GAK: variants seen among roughly 807,000 people sequenced by gnomAD.
GAK encodes cyclin G associated kinase.
In GAK, 79 loss-of-function variants were observed where a neutral mutation model predicts 143.9. That is an observed-to-expected ratio of 0.55 (90% CI 0.46 to 0.66). The LOEUF (loss-of-function observed/expected upper bound fraction) is 0.66. Among genes scored for constraint, GAK ranks in the 30% least tolerant of loss-of-function variants. GAK has a pLI of 0.00. For missense variants in GAK, 1,693 were observed against 1,779.7 expected (o/e 0.95, Z 0.88); for synonymous variants, 881 against 765.5 (o/e 1.15, Z -2.49).
chr4:867,580 G>A (rs1193438093), intron 20 of GAK, 148 bp from the exon 21 acceptor site: 14 of 515,368 alleles, frequency 2.7e-5, no homozygotes, highest in East Asian at 2.6e-4. Context: ...CGTCCCTTCA[G>A]GGCCTCCTCG....
intron 24 of GAK, chr4:859,404 C>T (rs1749871660): frequency 6.6e-7 from 1 of 1,523,144 alleles, no homozygotes; most frequent in African/African-American, 1.4e-5. Flanking sequence ...GTGTCAGCAA[C>T]TCCCGGTTTT....
At chr4:888,038 C>T (rs189816404) in intron 11 of GAK, 1 of 152,428 alleles carries the variant, frequency 6.6e-6, no homozygotes, top group East Asian at 1.9e-4. Flanking sequence ...CACACGTCTA[C>T]CTGGTGCTGG....
In GAK at chr4:866,966, G is replaced by C; in HGVS notation, c.2862C>G (p.Pro954=). 6.7e-7 allele frequency: 1 copy of C among 1,486,704 alleles called. No individual in the cohort carries two copies. Among genetic ancestry groups the C allele is most frequent in the African/African-American group, 1.4e-5 (1 of 70,850 alleles). 92.1% of individuals were successfully genotyped at this position (1,486,704 alleles called of 1,614,324 possible). ...LSVQSTPRGG[P]PAAADPFGPL... ...AACAGAAACACGTACCAGCGGCAGG[G>C]GGCCCTCCTCTTGGGGTGCTCTGCA... The change falls in exon 21 of 28, where the codon CCC becomes CCG. Residue 954 remains proline, a synonymous_variant. Coordinates refer to ENST00000314167, the MANE Select transcript of GAK (RefSeq NM_005255.4).
At chr4:876,706 C>T (rs1713967507) in intron 17 of GAK, 97 bp from the exon 18 acceptor site, 2 of 1,062,164 alleles carry the variant, frequency 1.9e-6, no homozygotes, top group Non-Finnish European at 2.9e-6. Context: ...CTGAGAGCGG[C>T]TCATGGTGCT....
Position 850,041 on chromosome 4 carries a change from G to A in GAK, c.3685C>T (p.Arg1229Trp), listed in dbSNP as rs142635741. The change falls in exon 27 of 28, where the codon CGG (arginine) becomes TGG (tryptophan). Residue 1229 changes from arginine to tryptophan, a missense_variant. Arg to Trp is a moderately radical substitution (Grantham distance 101). Transcript: ENST00000314167. ...KLLDWIEGKE[R>W]NIRALLSTLH... ...GTGGACAGCAGGGCCCGGATGTTCC[G>A]CTCCTTGCCCTCAATCCAGTCCAGG... The A allele has an allele frequency of 1.8e-5, 28 of 1,595,162 alleles. No homozygotes were observed. Among genetic ancestry groups the A allele is most frequent in the African/African-American group, 4.0e-5 (3 of 74,452 alleles).
At chr4:913,149 C>T (rs962838543) in intron 2 of GAK, among the ~76,000 whole-genome samples, 1 of 152,244 alleles carries the variant, frequency 6.6e-6, no homozygotes, top group Non-Finnish European at 1.5e-5. Flanking sequence ...CTCTCAAAGG[C>T]GGGGCCACCC....
At chr4:931,811 G>A (rs914295804) in intron 1 of GAK, among the ~76,000 whole-genome samples, 8 of 151,804 alleles carry the variant, frequency 5.3e-5, no homozygotes, top group Non-Finnish European at 8.8e-5. Context: ...TCCCAGCCTC[G>A]CCCTCCGCAA....
At chr4:918,392 T>C (rs1300243242) in intron 1 of GAK, among the ~76,000 whole-genome samples, 2 of 152,204 alleles carry the variant, frequency 1.3e-5, no homozygotes, top group African/African-American at 2.4e-5. Flanking sequence ...GCAAGAAAGC[T>C]AGGAAAATTA....
At chr4:878,069 A>C (rs769131188) in intron 15 of GAK, among the ~76,000 whole-genome samples, 2 of 152,124 alleles carry the variant, frequency 1.3e-5, no homozygotes, top group African/African-American at 4.8e-5. Context: ...TGATACTCCC[A>C]CTTTTACTCA....
At chr4:912,261 G>C (rs913180574) in intron 3 of GAK, 6 of 431,544 alleles carry the variant, frequency 1.4e-5, no homozygotes, top group Non-Finnish European at 2.4e-5. Flanking sequence ...TGGACAGGGA[G>C]TGCAGCCCCC....
Position 896,544 on chromosome 4 carries a change from C to T in GAK, c.657G>A (p.Thr219=), listed in dbSNP as rs747612146. The T allele has an allele frequency of 3.4e-5, 54 of 1,610,124 alleles. No individual in the cohort carries two copies. The highest frequency in any genetic ancestry group is 2.9e-4 in the East Asian group (13 of 44,878). Reference sequence around the variant, plus strand: ...TTCTATACATTGGTGTTGTATTCCTCGTGATCTGAAAAAATACAAACATTT... The same window carrying T: ...TTCTATACATTGGTGTTGTATTCCTTGTGATCTGAAAAAATACAAACATTT... ...QRRALVEEEI[T]RNTTPMYRTP... is the part of the protein sequence containing the mutation. Residue 219 remains threonine (T), a synonymous_variant, in exon 7 of 28, where the codon ACG becomes ACA. Transcript: ENST00000314167.
chr4:898,411 C>G (rs1577223535), intron 5 of GAK, among the ~76,000 whole-genome samples: 1 of 152,212 alleles, frequency 6.6e-6, no homozygotes, highest in African/African-American at 2.4e-5. Context: ...GAAGCGGGCC[C>G]CGAGGGGCTG....
intron 1 of GAK, among the ~76,000 whole-genome samples, chr4:921,387 C>T (rs144233152): frequency 7.3e-4 from 111 of 152,324 alleles, no homozygotes; most frequent in African/African-American, 2.5e-3. Flanking sequence ...GGCTACCACG[C>T]CCAGCCCATC....
chr4:857,211 T>A (rs1339423581), intron 24 of GAK, among the ~76,000 whole-genome samples: 1 of 152,184 alleles, frequency 6.6e-6, no homozygotes. Context: ...TACCGATAAA[T>A]CCTATTTGCT....
intron 10 of GAK, 89 bp from the exon 11 acceptor site, chr4:889,059 C>T: frequency 4.9e-6 from 7 of 1,418,268 alleles, no homozygotes; most frequent in Non-Finnish European, 5.6e-6. Flanking sequence ...GCCCCAGGCG[C>T]TCGGTCCCAC....
At chr4:893,111 T>C (rs1233793474) in intron 9 of GAK, among the ~76,000 whole-genome samples, 2 of 149,990 alleles carry the variant, frequency 1.3e-5, no homozygotes, top group Non-Finnish European at 3.0e-5. Flanking sequence ...GATAGGAAAC[T>C]TGGGGTTCAG....
At position 870,703 on chromosome 4, in the gene GAK, G is replaced by C. The variant is rs533161098; in HGVS notation, c.2248+8C>G. The C allele has an allele frequency of 1.9e-6, 3 of 1,613,128 alleles. No individual in the cohort carries two copies. The South Asian group carries it at 3.3e-5, about 18-fold the overall frequency. On this transcript the variant is annotated splice_region_variant and intron_variant, in intron 19 of 27. Transcript: ENST00000314167. ...CAGGGTTCACCTAATTCACCTGCGGGATCTTACCAAACTTAGACAGAATGT... is the reference window on the plus strand; with the variant it reads ...CAGGGTTCACCTAATTCACCTGCGGCATCTTACCAAACTTAGACAGAATGT...
Position 879,027 on chromosome 4 carries a change from T to G in GAK, c.1662-1218A>C, listed in dbSNP as rs956052744. ...AGCCCGAGTGGCCAAGGAAGCAGAT[T>G]CAGAAATGAAAGAGAAATCGGCTTT... On this transcript the variant is annotated intron_variant, in intron 15 of 27. Transcript: ENST00000314167. Among the ~76,000 whole-genome samples, 23 of 152,268 alleles carry G rather than the reference T, an allele frequency of 1.5e-4. 5 individuals carry two copies. Among genetic ancestry groups the G allele is most frequent in the East Asian group, 1.9e-4 (1 of 5,188 alleles).
At chr4:874,796 CTT>C (rs1713495821) in intron 18 of GAK, among the ~76,000 whole-genome samples, 1 of 152,150 alleles carries the variant, frequency 6.6e-6, no homozygotes, top group Non-Finnish European at 1.5e-5. Context: ...CACTCTCTCT[CTT>C]CTCCTAGAAC....
Sources: gnomAD v4.1 joint callset for allele counts (sites outside exome capture counted in the v4.1 genomes callset) on GRCh38, gnomAD v4.1.1 for gene constraint, MANE v1.5 for transcripts, NCBI Gene and HGNC (gene_info 2026-07-23, HGNC 2026-07-21) for gene names.